AQP9: variants seen among roughly 807,000 people sequenced by gnomAD.
AQP9 encodes the protein aquaporin 9, also known as aquaporin-9.
Under a neutral mutation model 23.8 loss-of-function variants are expected in AQP9, and 19 were observed. That is an observed-to-expected ratio of 0.80 (90% CI 0.56 to 1.17). The LOEUF is 1.17. Ranked by LOEUF, AQP9 falls within the 50% of genes most tolerant of loss-of-function variation. AQP9 has a pLI of 0.00. For missense variants in AQP9, 413 were observed against 362.0 expected, an observed-to-expected ratio of 1.14 and a Z score of -1.14; for synonymous variants, 153 against 131.5, an observed-to-expected ratio of 1.16 and a Z score of -1.12.
chr15:58,145,983 C>G (rs1474196566), intron 1 of AQP9, among the ~76,000 whole-genome samples: 1 of 152,166 alleles, frequency 6.6e-6, no homozygotes, highest in African/African-American at 2.4e-5. Flanking sequence ...TTGCTGTTCA[C>G]AAGTCTCTGG....
At chr15:58,148,560 G>A (rs1898091206) in intron 1 of AQP9, among the ~76,000 whole-genome samples, 2 of 152,174 alleles carry the variant, frequency 1.3e-5, no homozygotes, top group Non-Finnish European at 2.9e-5. Context: ...AGGGAGAACT[G>A]TCCTCAGCAA....
intron 2 of AQP9, among the ~76,000 whole-genome samples, chr15:58,169,132 G>T (rs1305852148): frequency 1.3e-5 from 2 of 152,096 alleles, no homozygotes; most frequent in African/African-American, 4.8e-5. Flanking sequence ...AGTCTTCTGT[G>T]GCCTCTAAAC....
Position 58,144,282 on chromosome 15 carries a change from A to C in AQP9, c.111+5606A>C, listed in dbSNP as rs191830730. Among the ~76,000 whole-genome samples, 279 of 151,926 alleles carry C rather than the reference A, an allele frequency of 1.8e-3. 3 individuals carry two copies. The highest frequency in any genetic ancestry group is 2.1e-3 in the East Asian group (11 of 5,186). Reference sequence around the variant, plus strand: ...TTTGCTTTTCATATTTGTGTCTTTAAATAATTAGAATTTATTTGGTGTATG... The same window carrying C: ...TTTGCTTTTCATATTTGTGTCTTTACATAATTAGAATTTATTTGGTGTATG... On this transcript the variant is annotated intron_variant, in intron 1 of 5. Transcript: ENST00000219919.
intron 4 of AQP9, 73 bp from the exon 5 acceptor site, chr15:58,179,055 G>A: frequency 9.4e-7 from 1 of 1,062,594 alleles, no homozygotes; most frequent in Admixed American, 2.0e-5. Context: ...AAAATAGTAA[G>A]AAGGGATGAT....
intron 1 of AQP9, 93 bp downstream of exon 1, chr15:58,138,769 T>C: frequency 9.3e-7 from 1 of 1,080,620 alleles, no homozygotes. Flanking sequence ...TTGTTTTATT[T>C]AAGTTAATTG....
chr15:58,148,608 T>A (rs1898092324), intron 1 of AQP9, among the ~76,000 whole-genome samples: 1 of 152,190 alleles, frequency 6.6e-6, no homozygotes, highest in African/African-American at 2.4e-5. Flanking sequence ...GTCACAGTTA[T>A]CCTGATGCAA....
At chr15:58,173,612 C>T (rs530559161) in intron 3 of AQP9, among the ~76,000 whole-genome samples, 1 of 152,270 alleles carries the variant, frequency 6.6e-6, no homozygotes, top group South Asian at 2.1e-4. Flanking sequence ...GGAAGAGACA[C>T]AGCAGAGATG....
At chr15:58,173,982 T>C (rs1269372136) in intron 3 of AQP9, among the ~76,000 whole-genome samples, 3 of 152,010 alleles carry the variant, frequency 2.0e-5, no homozygotes, top group Admixed American at 6.6e-5. Context: ...CCAGGCCTTA[T>C]AGAAATGGGT....
chr15:58,170,630 C>A (rs957730343), intron 2 of AQP9, among the ~76,000 whole-genome samples: 7 of 152,078 alleles, frequency 4.6e-5, no homozygotes, highest in Non-Finnish European at 1.0e-4. Flanking sequence ...ATCTTGATTT[C>A]TTGACCTCAT....
intron 1 of AQP9, among the ~76,000 whole-genome samples, chr15:58,158,423 C>T (rs1387503615): frequency 6.6e-6 from 1 of 152,158 alleles, no homozygotes; most frequent in Non-Finnish European, 1.5e-5. Flanking sequence ...TCAATTTGCT[C>T]ATCCATGAGA....
intron 1 of AQP9, among the ~76,000 whole-genome samples, chr15:58,141,278 C>G (rs756765298): frequency 1.3e-5 from 2 of 152,194 alleles, no homozygotes; most frequent in Admixed American, 6.5e-5. Flanking sequence ...TGATACAGAG[C>G]TCATCTTATT....
At chr15:58,169,936 C>T (rs891891657) in intron 2 of AQP9, among the ~76,000 whole-genome samples, 5 of 152,034 alleles carry the variant, frequency 3.3e-5, no homozygotes, top group Admixed American at 6.6e-5. Context: ...GTATGGGTGG[C>T]GAGGAGGAGA....
chr15:58,158,643 T>G (rs1284103879), intron 1 of AQP9, among the ~76,000 whole-genome samples: 5 of 152,222 alleles, frequency 3.3e-5, no homozygotes, highest in African/African-American at 9.6e-5. Context: ...CCAAAGCGCA[T>G]GACAATCTTT....
At chr15:58,172,976 A>G in intron 2 of AQP9, 92 bp from the exon 3 acceptor site, 1 of 1,528,756 alleles carries the variant, frequency 6.5e-7, no homozygotes, top group Non-Finnish European at 9.0e-7. Context: ...TTCTCTGCCT[A>G]GAAGACTGAA....
intron 4 of AQP9, among the ~76,000 whole-genome samples, chr15:58,178,547 A>C (rs1424424246): frequency 1.3e-5 from 2 of 152,230 alleles, no homozygotes; most frequent in Non-Finnish European, 2.9e-5. Context: ...TTAAAAGCAT[A>C]GTACTTGTTT....
At chr15:58,172,982 C>T (rs1263546788) in intron 2 of AQP9, 86 bp from the exon 3 acceptor site, 13 of 1,553,290 alleles carry the variant, frequency 8.4e-6, no homozygotes, top group Non-Finnish European at 1.1e-5. Context: ...GCCTAGAAGA[C>T]TGAATTCCAC....
chr15:58,169,781 T>A (rs1898581227), intron 2 of AQP9, among the ~76,000 whole-genome samples: 1 of 152,202 alleles, frequency 6.6e-6, no homozygotes, highest in Non-Finnish European at 1.5e-5. Flanking sequence ...ATACCCTAAT[T>A]ATGTAGCATC....
At chr15:58,181,108 A>G (rs1378488328) in intron 5 of AQP9, among the ~76,000 whole-genome samples, 1 of 152,198 alleles carries the variant, frequency 6.6e-6, no homozygotes, top group Admixed American at 6.5e-5. Flanking sequence ...GGTGGTTCCA[A>G]AACAGATGGA....
intron 1 of AQP9, among the ~76,000 whole-genome samples, chr15:58,144,504 A>AT (rs1265425859): frequency 2.0e-5 from 3 of 151,800 alleles, no homozygotes; most frequent in Non-Finnish European, 2.9e-5. Context: ...CTCATATACC[A>AT]TTTTTTTTGT....
Sources: gnomAD v4.1 joint callset for allele counts (sites outside exome capture counted in the v4.1 genomes callset) on GRCh38, gnomAD v4.1.1 for gene constraint, MANE v1.5 for transcripts, NCBI Gene and HGNC (gene_info 2026-07-23, HGNC 2026-07-21) for gene names.